DCT: variants seen among roughly 807,000 people sequenced by gnomAD.
The protein encoded by DCT is dopachrome tautomerase.
Under a neutral mutation model 53.0 loss-of-function variants are expected in DCT, and 47 were observed. That is an observed-to-expected ratio of 0.89 (90% CI 0.70 to 1.13). The LOEUF is 1.13. Ranked by LOEUF, DCT falls within the 50% of genes most tolerant of loss-of-function variation. DCT has a pLI of 0.00. For synonymous variants in DCT, 244 were observed against 237.0 expected (o/e 1.03, Z -0.27); for missense variants, 669 against 637.4 (o/e 1.05, Z -0.53).
At chr13:94,476,136 C>T (rs1885061176) in intron 1 of DCT, among the ~76,000 whole-genome samples, 1 of 148,520 alleles carries the variant, frequency 6.7e-6, no homozygotes, top group Admixed American at 6.7e-5. Flanking sequence ...AGAACAGGCC[C>T]TATTTATTTC....
chr13:94,453,648 G>A (rs184006795), intron 6 of DCT, among the ~76,000 whole-genome samples: 4 of 152,252 alleles, frequency 2.6e-5, no homozygotes, highest in Admixed American at 6.5e-5. Context: ...GTTGTGGAAG[G>A]GATGTAATTG....
At chr13:94,523,961 C>T in the DCT span, among the ~76,000 whole-genome samples, 3 of 151,808 alleles carry the variant, frequency 2.0e-5, no homozygotes, top group Admixed American at 6.6e-5. Flanking sequence ...TGAGTGCAAA[C>T]GTATATATGA....
At chr13:94,445,764 G>A (rs1882679886) in intron 6 of DCT, 4 of 1,573,230 alleles carry the variant, frequency 2.5e-6, no homozygotes, top group Non-Finnish European at 3.5e-6. Flanking sequence ...TCTCTTTTCT[G>A]TTGAGACACA....
At position 94,439,181 on chromosome 13, in the gene DCT, T is replaced by C. The variant is rs1882096682; in HGVS notation, c.*717A>G. ...ATGTGTATCCAGCTATTGAATCCTG[T>C]AATATAGGTCTACTGTTTAAAACTG... On this transcript the variant is annotated 3_prime_UTR_variant, in exon 8 of 8. Coordinates refer to ENST00000377028, the MANE Select transcript of DCT (RefSeq NM_001922.5). 1 of 152,822 alleles carries C rather than the reference T, an allele frequency of 6.5e-6. No homozygotes were observed. Among genetic ancestry groups the C allele is most frequent in the Non-Finnish European group, 1.5e-5 (1 of 68,542 alleles). 9.5% of individuals were successfully genotyped at this position (152,822 alleles called of 1,614,324 possible).
chr13:94,446,243 A>C (rs1882724246), intron 6 of DCT, among the ~76,000 whole-genome samples: 1 of 152,228 alleles, frequency 6.6e-6, no homozygotes, highest in African/African-American at 2.4e-5. Context: ...TACCTAGTAC[A>C]CAGCACCTTT....
chr13:94,476,743 C>T (rs1171501977), intron 1 of DCT, among the ~76,000 whole-genome samples: 5 of 152,086 alleles, frequency 3.3e-5, no homozygotes, highest in Non-Finnish European at 4.4e-5. Context: ...CTCCCAAAGG[C>T]GTGAGCCACT....
intron 1 of DCT, among the ~76,000 whole-genome samples, chr13:94,477,906 C>T (rs971021225): frequency 9.2e-5 from 14 of 152,202 alleles, no homozygotes; most frequent in Admixed American, 5.2e-4. Context: ...CAGTGGCCCC[C>T]TGCCAGGCTT....
At position 94,478,896 on chromosome 13, in the gene DCT, T is replaced by C. The variant is rs1314746821; in HGVS notation, c.295+65A>G. The C allele has an allele frequency of 4.8e-6, 7 of 1,468,344 alleles. No homozygotes were observed. In the African/African-American group the frequency reaches 5.6e-5, roughly 12 times the overall value. 91.0% of individuals were successfully genotyped at this position (1,468,344 alleles called of 1,614,324 possible). A position where few individuals can be genotyped will look rare whatever the true frequency, so the allele number is the denominator to read the frequency against. Reference sequence around the variant, plus strand: ...GAGTCTCTGTCAAGAGTCTCATCTCTTCCTTAGAAGGAGCTCTTTCCCCAG... The same window carrying C: ...GAGTCTCTGTCAAGAGTCTCATCTCCTCCTTAGAAGGAGCTCTTTCCCCAG... On this transcript the variant is annotated intron_variant, in intron 1 of 7. Transcript: ENST00000377028.
rs912320459 is a variant in DCT, at chr13:94,438,813, G to T, written c.*1085C>A. On this transcript the variant is annotated 3_prime_UTR_variant, in exon 8 of 8. Transcript: ENST00000377028. The stretch of plus-strand genomic sequence containing the variant: ...TTGTACAGATGGTTTGCTTTCAAAT[G>T]ATAAGACTTAATTGATCAGCATTCA... The T allele has an allele frequency of 2.1e-5, 7 of 341,148 alleles. No homozygotes were observed. Among genetic ancestry groups the T allele is most frequent in the African/African-American group, 1.3e-4 (6 of 46,208 alleles). The allele number at this position is 341,148 out of a possible 1,614,324, so 21.1% of individuals were successfully genotyped here.
the DCT span, among the ~76,000 whole-genome samples, chr13:94,502,059 C>T: frequency 1.1e-4 from 7 of 60,990 alleles, no homozygotes; most frequent in Non-Finnish European, 2.0e-4. Flanking sequence ...GCTGAGGGTG[C>T]CTTCACTGTT....
the DCT span, among the ~76,000 whole-genome samples, chr13:94,543,540 C>T: frequency 2.0e-5 from 3 of 152,200 alleles, no homozygotes; most frequent in Non-Finnish European, 2.9e-5. Flanking sequence ...ATAGAAATCT[C>T]TCCTGCCTTT....
chr13:94,498,879 C>G, the DCT span, among the ~76,000 whole-genome samples: 1 of 152,152 alleles, frequency 6.6e-6, no homozygotes, highest in Non-Finnish European at 1.5e-5. Context: ...ATGCACCAGT[C>G]AGCACTCTGT....
the DCT span, among the ~76,000 whole-genome samples, chr13:94,526,337 G>A: frequency 6.6e-6 from 1 of 152,162 alleles, no homozygotes; most frequent in Admixed American, 6.5e-5. Context: ...CCAGCACAAA[G>A]AATTTCCCAA....
chr13:94,473,111 G>A (rs1265336493), intron 1 of DCT, among the ~76,000 whole-genome samples: 1 of 152,112 alleles, frequency 6.6e-6, no homozygotes, highest in Non-Finnish European at 1.5e-5. Context: ...AAAGGGATCA[G>A]ACACTAGTGA....
At chr13:94,466,452 G>A in intron 3 of DCT, 106 bp downstream of exon 3, 1 of 624,258 alleles carries the variant, frequency 1.6e-6, no homozygotes, top group South Asian at 2.5e-5. Flanking sequence ...CACTTATCTT[G>A]TATGAGTATC....
chr13:94,486,970 C>T, the DCT span, among the ~76,000 whole-genome samples: 13 of 152,214 alleles, frequency 8.5e-5, no homozygotes, highest in South Asian at 1.9e-3. Flanking sequence ...TTGTTGTTTA[C>T]AAAACAGGGC....
At position 94,468,870 on chromosome 13, in the gene DCT, C is replaced by G. The variant is rs765011471; in HGVS notation, c.471G>C (p.Val157=). ...LAKKRVHPDY[V]ITTQHWLGLL... ...GGCCCAGCCAGTGTTGTGTGGTGATCACGTAGTCGGGGTGTACTCTCTTCT... is the reference window on the plus strand; with the variant it reads ...GGCCCAGCCAGTGTTGTGTGGTGATGACGTAGTCGGGGTGTACTCTCTTCT... Residue 157 remains valine, a synonymous_variant, in exon 2 of 8, where the codon GTG becomes GTC. Transcript: ENST00000377028. The G allele has an allele frequency of 1.4e-5, 23 of 1,614,046 alleles. 1 individual carries two copies. In the Admixed American group the frequency reaches 3.7e-4, roughly 26 times the overall value.
At chr13:94,513,577 G>A in the DCT span, among the ~76,000 whole-genome samples, 207 of 152,164 alleles carry the variant, frequency 1.4e-3, no homozygotes, top group Non-Finnish European at 2.4e-3. Context: ...GGAATGTTCT[G>A]TGACAGGGAG....
intron 1 of DCT, among the ~76,000 whole-genome samples, chr13:94,475,695 A>C (rs1885026938): frequency 6.6e-6 from 1 of 152,234 alleles, no homozygotes; most frequent in Admixed American, 6.5e-5. Context: ...AGCAAAAAAT[A>C]AACAAAAACA....
Sources: gnomAD v4.1 joint callset for allele counts (sites outside exome capture counted in the v4.1 genomes callset) on GRCh38, gnomAD v4.1.1 for gene constraint, MANE v1.5 for transcripts, NCBI Gene and HGNC (gene_info 2026-07-23, HGNC 2026-07-21) for gene names.